MND1: variants seen among roughly 807,000 people sequenced by gnomAD.
The protein encoded by MND1 is meiotic nuclear divisions 1, also known as meiotic nuclear division protein 1 homolog.
A neutral mutation model predicts 35.1 loss-of-function variants in MND1; 28 were observed. That is an observed-to-expected ratio of 0.80 (90% CI 0.59 to 1.09). MND1 has a LOEUF of 1.09. MND1 is among the 50% of genes least tolerant of loss of function. The pLI, the probability that MND1 is intolerant of heterozygous loss-of-function variation, is 0.00. For missense variants in MND1, 213 were observed against 239.6 expected (o/e 0.89, Z 0.73); for synonymous variants, 69 against 70.5 (o/e 0.98, Z 0.11).
chr4:153,359,410 A>G (rs946492289), intron 4 of MND1, among the ~76,000 whole-genome samples: 1 of 152,216 alleles, frequency 6.6e-6, no homozygotes, highest in Non-Finnish European at 1.5e-5. Flanking sequence ...ATATGAATAT[A>G]CCACAGTTTG....
intron 4 of MND1, 46 bp downstream of exon 4, chr4:153,358,668 A>C: frequency 3.8e-6 from 6 of 1,560,092 alleles, no homozygotes; most frequent in Non-Finnish European, 5.2e-6. Flanking sequence ...TATAACGGAG[A>C]GTTGTTTTAC....
intron 4 of MND1, among the ~76,000 whole-genome samples, chr4:153,381,419 A>C (rs1426010335): frequency 1.3e-5 from 2 of 151,164 alleles, no homozygotes; most frequent in Non-Finnish European, 2.9e-5. Context: ...CTTCAAAAAT[A>C]TACTCCCCCC....
intron 4 of MND1, among the ~76,000 whole-genome samples, chr4:153,391,213 G>A (rs1729023471): frequency 6.6e-6 from 1 of 150,984 alleles, no homozygotes; most frequent in African/African-American, 2.4e-5. Flanking sequence ...GCCCAGGCTG[G>A]AGCACAGTGG....
intron 4 of MND1, among the ~76,000 whole-genome samples, chr4:153,364,298 CTTGAGCCTAGGAATTCAAG>C (rs1773569900): frequency 6.6e-6 from 1 of 152,028 alleles, no homozygotes; most frequent in Non-Finnish European, 1.5e-5. Flanking sequence ...GGGAGGATCA[CTTGAGCCTAGGAATTCAAG>C]ACCAGCCTGG....
chr4:153,402,746 T>C (rs1235053010), intron 6 of MND1, among the ~76,000 whole-genome samples: 1 of 152,222 alleles, frequency 6.6e-6, no homozygotes, highest in African/African-American at 2.4e-5. Context: ...TGCCCAATGC[T>C]AAAATCCTCT....
intron 1 of MND1, among the ~76,000 whole-genome samples, chr4:153,345,146 G>C (rs1012866212): frequency 1.3e-5 from 2 of 149,678 alleles, no homozygotes; most frequent in Admixed American, 6.7e-5. Flanking sequence ...CTCCAGCTTC[G>C]GCCCCGCGTG....
intron 4 of MND1, among the ~76,000 whole-genome samples, chr4:153,372,777 C>T (rs1490283188): frequency 6.6e-6 from 1 of 152,128 alleles, no homozygotes; most frequent in Non-Finnish European, 1.5e-5. Flanking sequence ...AAGATTTACC[C>T]ATGTTGCTTT....
intron 3 of MND1, among the ~76,000 whole-genome samples, chr4:153,356,552 CAAAA>C (rs34763120): frequency 1.2e-4 from 7 of 60,044 alleles, no homozygotes; most frequent in Admixed American, 5.5e-4. Context: ...AACTCAGTCT[CAAAA>C]AAAAAAAAAA....
intron 6 of MND1, among the ~76,000 whole-genome samples, chr4:153,407,186 G>A (rs903306895): frequency 6.6e-5 from 10 of 152,178 alleles, no homozygotes; most frequent in South Asian, 2.1e-4. Context: ...TAATGAGGCC[G>A]GGCACGGTGG....
intron 1 of MND1, among the ~76,000 whole-genome samples, chr4:153,347,040 G>A (rs923556467): frequency 5.9e-5 from 9 of 152,152 alleles, no homozygotes; most frequent in African/African-American, 2.2e-4. Context: ...TAAAAAATAT[G>A]TTGCCCAGGT....
At chr4:153,351,675 T>C (rs1020837477) in intron 2 of MND1, among the ~76,000 whole-genome samples, 3 of 152,204 alleles carry the variant, frequency 2.0e-5, no homozygotes, top group Non-Finnish European at 2.9e-5. Flanking sequence ...ATTCAGGAAT[T>C]TGGATTCTAA....
intron 7 of MND1, among the ~76,000 whole-genome samples, chr4:153,410,943 A>T (rs145660134): frequency 0.086 from 13,115 of 152,238 alleles, 780 homozygotes; most frequent in South Asian, 0.18. Flanking sequence ...GTGAGCTGAG[A>T]TGGTGCCACT....
chr4:153,403,530 T>A (rs1729401930), intron 6 of MND1, among the ~76,000 whole-genome samples: 1 of 152,156 alleles, frequency 6.6e-6, no homozygotes, highest in African/African-American at 2.4e-5. Flanking sequence ...CAGATTGAGT[T>A]CAGGAAAGTT....
Position 153,358,576 on chromosome 4 carries a change from A to G in MND1, c.230A>G (p.Lys77Arg), listed in dbSNP as rs775308005. 1.9e-6 allele frequency: 3 copies of G among 1,613,636 alleles called. No individual in the cohort carries two copies. Among genetic ancestry groups the G allele is most frequent in the Non-Finnish European group, 2.5e-6 (3 of 1,179,806 alleles). The change falls in exon 4 of 8, where the codon AAA becomes AGA. Residue 77 changes from lysine (K) to arginine (R), a missense_variant. Lys to Arg is a conservative substitution (Grantham distance 26). Coordinates refer to ENST00000240488, the MANE Select transcript of MND1 (RefSeq NM_032117.4). ...AATTATTATTGGGCTTTTCCAAGTA[A>G]AGCTCTTCATGCAAGGAAACATAAG... ...TSNYYWAFPS[K>R]ALHARKHKLE...
chr4:153,408,496 T>A (rs1392981013), intron 6 of MND1, among the ~76,000 whole-genome samples: 2 of 152,166 alleles, frequency 1.3e-5, no homozygotes, highest in African/African-American at 4.8e-5. Context: ...AAGTAAATAC[T>A]TCCCGCTATG....
At chr4:153,353,339 A>G (rs1773259607) in intron 2 of MND1, among the ~76,000 whole-genome samples, 1 of 146,370 alleles carries the variant, frequency 6.8e-6, no homozygotes, top group Admixed American at 6.9e-5. Context: ...TGAGTTTTTC[A>G]GTGAATACCC....
chr4:153,396,838 A>C (rs935351834), intron 5 of MND1, among the ~76,000 whole-genome samples: 2 of 152,200 alleles, frequency 1.3e-5, no homozygotes, highest in Non-Finnish European at 2.9e-5. Flanking sequence ...TCGATGTCTT[A>C]AAATGTTACT....
At chr4:153,390,372 C>T (rs1404911760) in intron 4 of MND1, among the ~76,000 whole-genome samples, 1 of 151,978 alleles carries the variant, frequency 6.6e-6, no homozygotes, top group Admixed American at 6.5e-5. Context: ...ATTGTGCCTC[C>T]CTGTATTACC....
At chr4:153,379,020 G>A (rs568151405) in intron 4 of MND1, among the ~76,000 whole-genome samples, 1 of 152,252 alleles carries the variant, frequency 6.6e-6, no homozygotes, top group East Asian at 1.9e-4. Flanking sequence ...TGCGCGCGGT[G>A]ACTCACGTCT....
Sources: allele counts gnomAD v4.1 joint callset (sites outside exome capture counted in the v4.1 genomes callset), GRCh38; gene constraint gnomAD v4.1.1; transcripts MANE v1.5; gene names NCBI Gene and HGNC (gene_info 2026-07-23, HGNC 2026-07-21).